The following CCDC136 variants were observed in gnomAD, a reference collection of about 807,000 sequenced individuals.
CCDC136 encodes coiled-coil domain-containing protein 136.
CCDC136 carries 100 observed loss-of-function variants against 141.2 expected under a neutral mutation model. The ratio of observed to expected loss-of-function variants is 0.71; its 90% CI spans 0.60 to 0.84. CCDC136 has a LOEUF of 0.84. Among genes scored for constraint, CCDC136 ranks in the 40% least tolerant of loss-of-function variants. The probability of loss-of-function intolerance (pLI) is 0.00; values close to 1 mark genes in which losing one functional copy is unlikely to be tolerated. For synonymous variants in CCDC136, 474 were observed against 531.9 expected, an observed-to-expected ratio of 0.89 and a Z score of 1.50; for missense variants, 1,206 against 1,379.4, an observed-to-expected ratio of 0.87 and a Z score of 1.99.
upstream of CCDC136, chr7:128,791,510 G>GAGCCGGCGCGGGAGCCGC (rs1562896020): frequency 2.3e-6 from 3 of 1,297,034 alleles, no homozygotes; most frequent in Admixed American, 4.1e-5. This position sits in a 1 kb window ranked among gnomAD's most constrained non-coding sequence, Gnocchi z 7.1. Flanking sequence ...GCGGGCGCCG[G>GAGCCGGCGCGGGAGCCGC]AGCCGGCGCG....
intron 4 of CCDC136, among the ~76,000 whole-genome samples, chr7:128,803,786 A>C (rs1002671386): frequency 6.6e-6 from 1 of 151,694 alleles, no homozygotes; most frequent in Non-Finnish European, 1.5e-5. Flanking sequence ...TGGGCCTGTC[A>C]GCAGATAAAA....
chr7:128,814,205 C>T (rs1806216276), intron 14 of CCDC136, among the ~76,000 whole-genome samples: 1 of 151,904 alleles, frequency 6.6e-6, no homozygotes, highest in African/African-American at 2.4e-5. Flanking sequence ...CCTGTTTCAG[C>T]TTCCCAAGTT....
rs1022750120 is a variant in CCDC136 at position 128,794,890 on chromosome 7, C to A, written c.346+122C>A. The A allele has an allele frequency of 2.7e-6, 2 of 733,112 alleles. No homozygotes were observed. Among genetic ancestry groups the A allele is most frequent in the African/African-American group, 1.8e-5 (1 of 56,914 alleles). The allele number at this position is 733,112 out of a possible 1,614,324, so 45.4% of individuals were successfully genotyped here. On this transcript the variant is annotated intron_variant, in intron 3 of 17. Transcript: ENST00000297788. The surrounding 1 kb of genome is among the most constrained non-coding windows in gnomAD (Gnocchi z 4.3). ...ATAACCAAATTCAGTAATTTCACCTCATTTTCCTCTACTAGTCTCACCCTT... is the reference window on the plus strand; with the variant it reads ...ATAACCAAATTCAGTAATTTCACCTAATTTTCCTCTACTAGTCTCACCCTT...
rs1404563984 is a variant in CCDC136, at chr7:128,809,401, G to C, written c.1606-49G>C. ...AAGTGCTCTGTTAGCCACCCAAGAA[G>C]CTTACCTTACAGAGTAACCACCCCC... is the stretch of plus-strand genomic sequence containing the variant. On this transcript the variant is annotated intron_variant, in intron 10 of 17. Transcript: ENST00000297788. The C allele has an allele frequency of 3.8e-6, 5 of 1,323,428 alleles. No homozygotes were observed. In the African/African-American group the frequency reaches 4.4e-5, roughly 12 times the overall value. 82.0% of individuals were successfully genotyped at this position (1,323,428 alleles called of 1,614,324 possible).
rs1276126279 is a variant in CCDC136, at chr7:128,805,932, G to T, written c.1089+31G>T. 6.2e-7 allele frequency: 1 copy of T among 1,611,830 alleles called. No individual in the cohort carries two copies. The stretch of plus-strand genomic sequence containing the variant: ...CACTGCCCGGGGAGGCATCTGGGGT[G>T]GGGGCAGAAGGGCCTCATGGAGGGG... On this transcript the variant is annotated intron_variant, in intron 7 of 17. Transcript: ENST00000297788. The surrounding 1 kb of genome is among the most constrained non-coding windows in gnomAD (Gnocchi z 4.6).
intron 3 of CCDC136, among the ~76,000 whole-genome samples, chr7:128,795,156 G>C (rs551263055): frequency 2.6e-5 from 4 of 152,050 alleles, no homozygotes; most frequent in Non-Finnish European, 5.9e-5. Context: ...CCTTTTTCTG[G>C]TTCCTCCAAG....
intron 3 of CCDC136, among the ~76,000 whole-genome samples, chr7:128,799,864 G>A (rs897232773): frequency 6.6e-6 from 1 of 151,936 alleles, no homozygotes; most frequent in African/African-American, 2.4e-5. Context: ...CCACTTTTTC[G>A]TTCTGATCCC....
Position 128,792,152 on chromosome 7 carries a change from G to A in CCDC136, c.-260G>A, listed in dbSNP as rs1802268062. The A allele has an allele frequency of 1.4e-6, 2 of 1,435,562 alleles. No individual in the cohort carries two copies. The highest frequency in any genetic ancestry group is 5.5e-5 in the Admixed American group (2 of 36,420). 88.9% of individuals were successfully genotyped at this position (1,435,562 alleles called of 1,614,324 possible). A position where few individuals can be genotyped will look rare whatever the true frequency, so the allele number is the denominator to read the frequency against. On this transcript the variant is annotated 5_prime_UTR_variant, in exon 1 of 18. Coordinates refer to ENST00000297788, the MANE Select transcript of CCDC136 (RefSeq NM_022742.5). ...AGGCTGGGAGGCAGGGCTGAGAGGT[G>A]GCCGAGAGAGAGGAGTCGCAGAGCC... is the stretch of plus-strand genomic sequence containing the variant.
chr7:128,807,029 C>T (rs534475020), intron 9 of CCDC136, among the ~76,000 whole-genome samples, 171 bp downstream of exon 9: 1 of 152,230 alleles, frequency 6.6e-6, no homozygotes, highest in East Asian at 1.9e-4. Context: ...TCTCAGCTTC[C>T]TTTGATTTTA....
rs1804700043 is a variant in CCDC136, at chr7:128,805,550, A to G, written c.948+26A>G. 6.3e-7 allele frequency: 1 copy of G among 1,580,656 alleles called. No homozygotes were observed. Among genetic ancestry groups the G allele is most frequent in the East Asian group, 2.2e-5 (1 of 44,590 alleles). On this transcript the variant is annotated intron_variant, in intron 6 of 17. Transcript: ENST00000297788. The surrounding 1 kb of genome is among the most constrained non-coding windows in gnomAD (Gnocchi z 4.6). ...GTAGGGCACAGAGGGTGGGGAAGGCAGGCACATTTCTTGTCTTTCTTTCAC... is the reference window on the plus strand; with the variant it reads ...GTAGGGCACAGAGGGTGGGGAAGGCGGGCACATTTCTTGTCTTTCTTTCAC...
rs1214534334 is a variant in CCDC136, at chr7:128,801,160, A to T, written c.347-26A>T. 3 of 1,577,456 alleles carry T rather than the reference A, an allele frequency of 1.9e-6. No homozygotes were observed. The African/African-American group carries it at 4.0e-5, about 21-fold the overall frequency. On this transcript the variant is annotated intron_variant, in intron 3 of 17. Coordinates refer to ENST00000297788, the MANE Select transcript of CCDC136 (RefSeq NM_022742.5). Reference sequence around the variant, plus strand: ...GTAGGTTAGTTCACCTGCCCTCTTGATCATCTCAACCTTTGGACTTTGCAG... The same window carrying T: ...GTAGGTTAGTTCACCTGCCCTCTTGTTCATCTCAACCTTTGGACTTTGCAG...
chr7:128,809,859 G>A (rs1166392222), intron 11 of CCDC136, among the ~76,000 whole-genome samples: 1 of 152,226 alleles, frequency 6.6e-6, no homozygotes, highest in Non-Finnish European at 1.5e-5. Context: ...TTTATACTCA[G>A]GAATCTGTGC....
chr7:128,813,723 G>A (rs961129720), intron 14 of CCDC136, among the ~76,000 whole-genome samples: 1 of 152,198 alleles, frequency 6.6e-6, no homozygotes, highest in Non-Finnish European at 1.5e-5. Context: ...GCTCACCCCT[G>A]TAATCTCAGC....
intron 4 of CCDC136, among the ~76,000 whole-genome samples, chr7:128,803,885 G>A (rs182507576): frequency 6.6e-6 from 1 of 151,314 alleles, no homozygotes; most frequent in East Asian, 2.0e-4. Context: ...CACAGTCTTG[G>A]CTCACTGTAA....
rs950463092 is a variant in CCDC136, at chr7:128,810,131, C to A, written c.1801-8C>A. The A allele has an allele frequency of 3.2e-6, 5 of 1,553,110 alleles. No individual in the cohort carries two copies. In the African/African-American group the frequency reaches 6.8e-5, roughly 21 times the overall value. On this transcript the variant is annotated splice_polypyrimidine_tract_variant and splice_region_variant and intron_variant, in intron 11 of 17. Transcript: ENST00000297788. ...ATCCCTTGCCTCCTTCCTTCTACTC[C>A]GCCTCAGAGTCAGGAGCTACTCACC... is the stretch of plus-strand genomic sequence containing the variant.
chr7:128,816,190 C>T lies in CCDC136; in HGVS notation c.3363+259C>T, dbSNP rs376448467. ...TTTTCTGGGAACCAGCGTGGGGTCT[C>T]TGGAGTCCTTTCATTTACGTAGTAG... is the stretch of plus-strand genomic sequence containing the variant. On this transcript the variant is annotated intron_variant, in intron 16 of 17. Coordinates refer to ENST00000297788, the MANE Select transcript of CCDC136 (RefSeq NM_022742.5). Among the ~76,000 whole-genome samples the T allele has an allele frequency of 2.7e-3, 408 of 152,362 alleles. 3 individuals carry two copies. Among genetic ancestry groups the T allele is most frequent in the Non-Finnish European group, 4.7e-3 (322 of 68,032 alleles).
rs753823639 is a variant in CCDC136 at position 128,815,623 on chromosome 7, G to A, written c.3055G>A (p.Val1019Ile). The A allele has an allele frequency of 4.5e-6, 7 of 1,554,546 alleles. No individual in the cohort carries two copies. In the South Asian group the frequency reaches 8.3e-5, roughly 18 times the overall value. ...SDLETRKSLE[V>I]VLYYKASQRK... ...TACTCCCACCCCACAGAGTCTGGAG[G>A]TAGTGCTGTACTACAAGGCCAGCCA... The change falls in exon 16 of 18, where the codon GTA (valine) becomes ATA (isoleucine). Residue 1019 changes from valine to isoleucine, a missense_variant. Transcript: ENST00000297788.
At position 128,806,677 on chromosome 7, in the gene CCDC136, C is replaced by G; in HGVS notation, c.1249-11C>G. 6.2e-7 allele frequency: 1 copy of G among 1,606,886 alleles called. No homozygotes were observed. The highest frequency in any genetic ancestry group is 1.1e-5 in the South Asian group (1 of 89,824). ...GCCCAAAGGCACTGCCCAAAGCCCC[C>G]TCTACCATAGGAGTTACTGTGCCGG... On this transcript the variant is annotated splice_polypyrimidine_tract_variant and intron_variant, in intron 8 of 17. Transcript: ENST00000297788.
intron 4 of CCDC136, 146 bp downstream of exon 4, chr7:128,801,655 G>T: frequency 1.6e-6 from 1 of 624,186 alleles, no homozygotes. Context: ...AGGGGTCCAG[G>T]CGTGATGGCT....
Sources: allele counts gnomAD v4.1 joint callset (sites outside exome capture counted in the v4.1 genomes callset), GRCh38; gene constraint gnomAD v4.1.1; non-coding constraint Gnocchi (gnomAD v3.1); transcripts MANE v1.5; gene names NCBI Gene and HGNC (gene_info 2026-07-23, HGNC 2026-07-21).